The following MECOM variants were observed in gnomAD, a reference collection of about 807,000 sequenced individuals.
The protein encoded by MECOM is histone-lysine N-methyltransferase MECOM.
Under a neutral mutation model 116.3 loss-of-function variants are expected in MECOM, and 13 were observed. That is an observed-to-expected ratio of 0.11 (90% CI 0.07 to 0.18). The LOEUF (loss-of-function observed/expected upper bound fraction) is 0.18, where lower values mean the gene tolerates loss of function less well. Ranked by LOEUF, MECOM falls within the 10% of genes least tolerant of loss-of-function variation. The probability of loss-of-function intolerance (pLI) is 1.00; values close to 1 mark genes in which losing one functional copy is unlikely to be tolerated. For synonymous variants in MECOM, 528 were observed against 535.2 expected, an observed-to-expected ratio of 0.99 and a Z score of 0.19; for missense variants, 1,299 against 1,509.0, an observed-to-expected ratio of 0.86 and a Z score of 2.31.
At chr3:169,438,865 C>T (rs1048180914) in intron 1 of MECOM, among the ~76,000 whole-genome samples, 1 of 152,036 alleles carries the variant, frequency 6.6e-6, no homozygotes, top group African/African-American at 2.4e-5. Flanking sequence ...TCATTATTTT[C>T]AACCAAAATT....
At chr3:169,654,944 T>C (rs1775360843) in intron 1 of MECOM, among the ~76,000 whole-genome samples, 1 of 152,116 alleles carries the variant, frequency 6.6e-6, no homozygotes, top group Non-Finnish European at 1.5e-5. Flanking sequence ...TGAAGCACCC[T>C]TGGAAATCAA....
intron 10 of MECOM, among the ~76,000 whole-genome samples, chr3:169,107,631 C>T (rs1401631055): frequency 2.0e-5 from 3 of 152,098 alleles, no homozygotes; most frequent in Admixed American, 2.0e-4. Context: ...TTCGAAGCCT[C>T]GTTTAACAGC....
chr3:169,296,447 G>A (rs1715618756), intron 2 of MECOM, among the ~76,000 whole-genome samples: 1 of 152,172 alleles, frequency 6.6e-6, no homozygotes, highest in Admixed American at 6.6e-5. Flanking sequence ...TCTGTAAGAA[G>A]CCATGATTAT....
chr3:169,418,575 T>A (rs773864284), intron 1 of MECOM, among the ~76,000 whole-genome samples: 1 of 152,234 alleles, frequency 6.6e-6, no homozygotes, highest in Non-Finnish European at 1.5e-5. Context: ...ACCCCTGGGA[T>A]GCAAGGCTAG....
intron 3 of MECOM, among the ~76,000 whole-genome samples, chr3:169,139,560 G>A (rs1027108517): frequency 6.6e-6 from 1 of 152,050 alleles, no homozygotes; most frequent in Non-Finnish European, 1.5e-5. Flanking sequence ...TGGAAAGGCA[G>A]GTCTCATTTA....
intron 1 of MECOM, among the ~76,000 whole-genome samples, chr3:169,399,438 GA>G (rs1309097361): frequency 6.6e-6 from 1 of 152,172 alleles, no homozygotes; most frequent in Non-Finnish European, 1.5e-5. Flanking sequence ...CCAAGTAAGT[GA>G]CGTGTCAACT....
chr3:169,591,432 G>C (rs1480037258), intron 1 of MECOM, among the ~76,000 whole-genome samples: 1 of 152,120 alleles, frequency 6.6e-6, no homozygotes, highest in Non-Finnish European at 1.5e-5. Flanking sequence ...TTGGAGAGTC[G>C]AGAGTCGGAT....
At chr3:169,172,127 A>G (rs957368137) in intron 2 of MECOM, among the ~76,000 whole-genome samples, 17 of 147,516 alleles carry the variant, frequency 1.2e-4, no homozygotes, top group Admixed American at 1.1e-3. Flanking sequence ...ATATATGAAA[A>G]AATACCAAAA....
chr3:169,408,895 C>T (rs1319301174), intron 1 of MECOM, among the ~76,000 whole-genome samples: 1 of 152,012 alleles, frequency 6.6e-6, no homozygotes, highest in Non-Finnish European at 1.5e-5. Flanking sequence ...TCTTATTCAA[C>T]ACAGATTTGA....
intron 2 of MECOM, among the ~76,000 whole-genome samples, chr3:169,267,964 G>A (rs1337101417): frequency 1.3e-5 from 2 of 152,132 alleles, no homozygotes; most frequent in South Asian, 2.1e-4. Context: ...TCTGGAAGAT[G>A]TCCCCTGATG....
At chr3:169,548,538 T>C (rs1337777486) in intron 1 of MECOM, among the ~76,000 whole-genome samples, 2 of 152,250 alleles carry the variant, frequency 1.3e-5, no homozygotes, top group Admixed American at 6.5e-5. Context: ...AACACTCTTT[T>C]ACAGAAGGGA....
intron 1 of MECOM, among the ~76,000 whole-genome samples, chr3:169,551,277 C>T (rs1316236405): frequency 6.6e-6 from 1 of 152,028 alleles, no homozygotes; most frequent in Non-Finnish European, 1.5e-5. Flanking sequence ...GGTCTTAACA[C>T]ATCTAGTACC....
At chr3:169,150,292 C>A (rs1236276302) in intron 2 of MECOM, among the ~76,000 whole-genome samples, 2 of 152,090 alleles carry the variant, frequency 1.3e-5, no homozygotes, top group African/African-American at 4.8e-5. Flanking sequence ...TGCTTCTTCC[C>A]CTGTTAGCTT....
intron 2 of MECOM, among the ~76,000 whole-genome samples, chr3:169,172,159 C>T (rs981530769): frequency 6.6e-6 from 1 of 151,510 alleles, no homozygotes; most frequent in Non-Finnish European, 1.5e-5. Context: ...TCCCATGATT[C>T]GATCTGAAAG....
At chr3:169,363,625 G>A (rs1728681980) in intron 2 of MECOM, among the ~76,000 whole-genome samples, 1 of 151,880 alleles carries the variant, frequency 6.6e-6, no homozygotes, top group Non-Finnish European at 1.5e-5. Flanking sequence ...AGAAATGGTG[G>A]AGAGGCATTT....
At chr3:169,440,778 G>T (rs1192884749) in intron 1 of MECOM, among the ~76,000 whole-genome samples, 2 of 152,082 alleles carry the variant, frequency 1.3e-5, no homozygotes, top group African/African-American at 4.8e-5. Context: ...GGGAGGGGGA[G>T]ATGAGAAATT....
chr3:169,093,020 T>G lies in MECOM; in HGVS notation c.3102A>C (p.Glu1034Asp). ...TGCTGTTCCCAATGAAATTTCGAAT[T>G]TCTGTGAAGTAAGCATCTTCTTTGT... ...LDDKEDAYFT[E>D]IRNFIGNSNH... is the part of the protein sequence containing the mutation. Residue 1034 changes from glutamate (E) to aspartate (D), a missense_variant, in exon 14 of 17, where the codon GAA becomes GAC. Glu to Asp is a conservative substitution (Grantham distance 45). This residue lies in a region of MECOM where 273 missense variants were observed against 289.3 expected (regional missense o/e 0.94). Transcript: ENST00000651503. 6.2e-7 allele frequency: 1 copy of G among 1,613,850 alleles called. No homozygotes were observed.
rs1412709230 is a variant in MECOM, at chr3:169,577,669, G to A, written c.37+85667C>T. ...CTAGAAGCTCAAATAATTCAACAAG[G>A]CTTCAAATTTGGATTCAGAATCTTC... On this transcript the variant is annotated intron_variant, in intron 1 of 16. Coordinates refer to ENST00000651503, the MANE Select transcript of MECOM (RefSeq NM_004991.4). Among the ~76,000 whole-genome samples, 6 of 152,076 alleles carry A rather than the reference G, an allele frequency of 3.9e-5. No homozygotes were observed. In the East Asian group the frequency reaches 1.2e-3, roughly 29 times the overall value.
intron 1 of MECOM, among the ~76,000 whole-genome samples, chr3:169,444,077 G>A (rs1744200910): frequency 6.6e-6 from 1 of 152,154 alleles, no homozygotes; most frequent in Admixed American, 6.5e-5. Context: ...ACATATTTAA[G>A]TTATCCTTTG....
Sources: allele counts gnomAD v4.1 joint callset (sites outside exome capture counted in the v4.1 genomes callset), GRCh38; gene constraint gnomAD v4.1.1; regional missense constraint gnomAD v4.1.1; transcripts MANE v1.5; gene names NCBI Gene and HGNC (gene_info 2026-07-23, HGNC 2026-07-21).